The following RABL2B variants were observed in gnomAD, a reference collection of about 807,000 sequenced individuals.
The protein encoded by RABL2B is rab-like protein 2B.
RABL2B carries 17 observed loss-of-function variants against 26.7 expected under a neutral mutation model. That is an observed-to-expected ratio of 0.64 (90% CI 0.44 to 0.95). The LOEUF (loss-of-function observed/expected upper bound fraction) is 0.95, where lower values mean the gene tolerates loss of function less well. Ranked by LOEUF, RABL2B falls within the 40% of genes least tolerant of loss-of-function variation. RABL2B has a pLI of 0.00. For missense variants in RABL2B, 170 were observed against 277.2 expected (o/e 0.61, Z 2.75); for synonymous variants, 70 against 103.9 (o/e 0.67, Z 1.99).
At chr22:50,782,599 C>G (rs1443018395) in intron 1 of RABL2B, among the ~76,000 whole-genome samples, 1 of 151,942 alleles carries the variant, frequency 6.6e-6, no homozygotes, top group Non-Finnish European at 1.5e-5. Flanking sequence ...CACCAGGCAT[C>G]CAGTGCCAAA....
At position 50,767,962 on chromosome 22, in the gene RABL2B, C is replaced by T; in HGVS notation, c.*814G>A. On this transcript the variant is annotated 3_prime_UTR_variant, in exon 9 of 9. Coordinates refer to ENST00000691320, the MANE Select transcript of RABL2B (RefSeq NM_001130919.3). Reference sequence around the variant, plus strand: ...CTGCTCAAAAACGATTGTTTAAAAACAGATGATTGGGGCCGGGCGCGGTGG... The same window carrying T: ...CTGCTCAAAAACGATTGTTTAAAAATAGATGATTGGGGCCGGGCGCGGTGG... 1 of 320,684 alleles carries T rather than the reference C, an allele frequency of 3.1e-6. No homozygotes were observed. The highest frequency in any genetic ancestry group is 6.1e-6 in the Non-Finnish European group (1 of 164,782). 19.9% of individuals were successfully genotyped at this position (320,684 alleles called of 1,614,324 possible).
chr22:50,777,295 G>A (rs141237267), intron 3 of RABL2B, among the ~76,000 whole-genome samples: 58 of 152,182 alleles, frequency 3.8e-4, no homozygotes, highest in African/African-American at 1.3e-3. Flanking sequence ...AGAGCCAAAT[G>A]ACGCAGGTGG....
intron 5 of RABL2B, among the ~76,000 whole-genome samples, chr22:50,774,184 C>T (rs1400930749): frequency 3.9e-5 from 6 of 152,190 alleles, no homozygotes; most frequent in African/African-American, 7.2e-5. Context: ...CGTGAGCCAC[C>T]GCGCCCGGCC....
chr22:50,781,114 G>A (rs2085765365), intron 2 of RABL2B, among the ~76,000 whole-genome samples: 1 of 152,070 alleles, frequency 6.6e-6, no homozygotes, highest in Admixed American at 6.5e-5. Context: ...GCTGAGGTGG[G>A]CGGATCACAA....
chr22:50,770,785 T>C (rs536143770), intron 5 of RABL2B, among the ~76,000 whole-genome samples: 2 of 151,974 alleles, frequency 1.3e-5, no homozygotes, highest in African/African-American at 4.8e-5. Context: ...AGGGTTTCAC[T>C]GTCACCCAGG....
intron 3 of RABL2B, 50 bp downstream of exon 3, chr22:50,777,902 G>C (rs782125831): frequency 6.2e-6 from 10 of 1,613,240 alleles, no homozygotes; most frequent in Admixed American, 3.3e-5. Flanking sequence ...TGATACATGA[G>C]CGTGGGAAGA....
At chr22:50,773,132 A>C in intron 5 of RABL2B, 1 of 1,273,046 alleles carries the variant, frequency 7.9e-7, no homozygotes, top group Non-Finnish European at 1.0e-6. Flanking sequence ...AAGAGAGGTG[A>C]GCTCAAAATA....
rs2083686947 is a variant in RABL2B, at chr22:50,768,496, A to C, written c.*280T>G. ...ATAATCATGTTTTCTGATTCTCTTCACTGTCTGCCTGCGGGGAGGGGGTGG... is the reference window on the plus strand; with the variant it reads ...ATAATCATGTTTTCTGATTCTCTTCCCTGTCTGCCTGCGGGGAGGGGGTGG... On this transcript the variant is annotated 3_prime_UTR_variant, in exon 9 of 9. Coordinates refer to ENST00000691320, the MANE Select transcript of RABL2B (RefSeq NM_001130919.3). The C allele has an allele frequency of 1.7e-6, 1 of 594,392 alleles. No homozygotes were observed. The highest frequency in any genetic ancestry group is 3.3e-5 in the Admixed American group (1 of 30,002). 36.8% of individuals were successfully genotyped at this position (594,392 alleles called of 1,614,324 possible).
chr22:50,768,767 C>T lies in RABL2B; in HGVS notation c.*9G>A, dbSNP rs1464237598. ...TAAAAGGGCTCCACCCACCCCTAGC[C>T]CCAGCCCCTCAGCTGTGGGGAGAGG... On this transcript the variant is annotated 3_prime_UTR_variant, in exon 9 of 9. Transcript: ENST00000691320. 1.2e-6 allele frequency: 2 copies of T among 1,613,646 alleles called. No homozygotes were observed. The highest frequency in any genetic ancestry group is 1.7e-6 in the Non-Finnish European group (2 of 1,179,848).
chr22:50,769,613 G>A (rs542191500), intron 6 of RABL2B, 61 bp from the exon 7 acceptor site: 4 of 1,610,326 alleles, frequency 2.5e-6, no homozygotes, highest in East Asian at 2.2e-5. Context: ...GGTTTGGAGG[G>A]GGGGGCCACT....
chr22:50,770,291 C>G (rs2083947511), intron 5 of RABL2B: 66 of 449,602 alleles, frequency 1.5e-4, no homozygotes, highest in South Asian at 1.4e-3. Context: ...TGAGGTGGGT[C>G]AATCACCTGA....
chr22:50,776,797 G>A, intron 3 of RABL2B, 48 bp from the exon 4 acceptor site: 1 of 1,567,316 alleles, frequency 6.4e-7, no homozygotes, highest in Non-Finnish European at 8.7e-7. Context: ...AGGTAAGGAA[G>A]GAGTGGGGAG....
At chr22:50,774,475 T>G (rs1429548266) in intron 5 of RABL2B, among the ~76,000 whole-genome samples, 1 of 149,070 alleles carries the variant, frequency 6.7e-6, no homozygotes, top group African/African-American at 2.5e-5. Flanking sequence ...ACACGGGGAG[T>G]AGAACCTGCT....
At chr22:50,780,806 A>G in intron 2 of RABL2B, 3 of 466,222 alleles carry the variant, frequency 6.4e-6, no homozygotes, top group South Asian at 4.7e-5. Context: ...TGAGGCATAT[A>G]AAGAGACTAG....
At chr22:50,774,711 T>C (rs184090061) in intron 5 of RABL2B, among the ~76,000 whole-genome samples, 83 of 151,078 alleles carry the variant, frequency 5.5e-4, no homozygotes, top group Middle Eastern at 3.4e-3. Context: ...TTGGTGACAA[T>C]TGCTAGGGTT....
chr22:50,780,857 G>A (rs1356208878), intron 2 of RABL2B: 9 of 384,786 alleles, frequency 2.3e-5, no homozygotes, highest in South Asian at 7.9e-5. Context: ...TACATTCTCC[G>A]AAAGTTCTGT....
chr22:50,776,099 A>G (rs1461830172), intron 4 of RABL2B, among the ~76,000 whole-genome samples: 1 of 152,128 alleles, frequency 6.6e-6, no homozygotes, highest in African/African-American at 2.4e-5. Context: ...AGGAAGGACA[A>G]CACACTGGAA....
rs1325238595 is a variant in RABL2B, at chr22:50,772,688, C to A, written c.298-2672G>T. 3.4e-5 allele frequency: 36 copies of A among 1,045,956 alleles called. 1 individual carries two copies. In the East Asian group the frequency reaches 6.7e-4, roughly 19 times the overall value. 64.8% of individuals were successfully genotyped at this position (1,045,956 alleles called of 1,614,324 possible). On this transcript the variant is annotated intron_variant, in intron 5 of 8. Transcript: ENST00000691320. ...GGAAGTCTATGTAGATTCTCTTTCA[C>A]AGGCAAATTTCAATGAATCACCAGG...
At chr22:50,781,343 CAAAAAAAAA>C (rs1205230491) in intron 2 of RABL2B, among the ~76,000 whole-genome samples, 1 of 59,680 alleles carries the variant, frequency 1.7e-5, no homozygotes, top group African/African-American at 5.8e-5. Context: ...GACTCCGTCT[CAAAAAAAAA>C]AAAAAAAAAA....
Sources: allele counts gnomAD v4.1 joint callset (sites outside exome capture counted in the v4.1 genomes callset), GRCh38; gene constraint gnomAD v4.1.1; transcripts MANE v1.5; gene names NCBI Gene and HGNC (gene_info 2026-07-23, HGNC 2026-07-21).